Variants in PDE3B observed in about 807,000 individuals in gnomAD.
The protein encoded by PDE3B is phosphodiesterase 3B, also known as cGMP-inhibited 3',5'-cyclic phosphodiesterase 3B.
PDE3B carries 66 observed loss-of-function variants against 116.8 expected under a neutral mutation model. The ratio of observed to expected loss-of-function variants is 0.56; its 90% confidence interval spans 0.46 to 0.69. PDE3B has a LOEUF of 0.69. Among genes scored for constraint, PDE3B ranks in the 30% least tolerant of loss-of-function variants. The pLI is 0.00. For missense variants in PDE3B, 1,384 were observed against 1,368.1 expected (o/e 1.01, Z -0.18); for synonymous variants, 595 against 533.6 (o/e 1.12, Z -1.59).
intron 1 of PDE3B, among the ~76,000 whole-genome samples, chr11:14,728,045 A>G (rs1228493123): frequency 6.6e-6 from 1 of 152,126 alleles, no homozygotes; most frequent in African/African-American, 2.4e-5. Flanking sequence ...TCTATTATAG[A>G]AAGATCTATC....
intron 2 of PDE3B, among the ~76,000 whole-genome samples, chr11:14,785,984 T>C (rs1020381475): frequency 2.0e-5 from 3 of 152,078 alleles, no homozygotes; most frequent in African/African-American, 4.8e-5. Context: ...TGATTTTACA[T>C]TGAAGAAACT....
chr11:14,831,882 A>T, intron 9 of PDE3B, 105 bp downstream of exon 9: 2 of 670,854 alleles, frequency 3.0e-6, no homozygotes, highest in Non-Finnish European at 5.0e-6. Flanking sequence ...TTCAACAATG[A>T]CATTGTTCAT....
chr11:14,803,645 T>C (rs1329894307), intron 4 of PDE3B, among the ~76,000 whole-genome samples: 1 of 152,232 alleles, frequency 6.6e-6, no homozygotes, highest in East Asian at 1.9e-4. Flanking sequence ...ACCTGTTTTT[T>C]TGTAAGTAAA....
chr11:14,818,378 G>A lies in PDE3B; in HGVS notation c.1718G>A (p.Ser573Asn). ...TATCAGCAACTTAGAAATTCTGATAGCAATCTGTGTAACAGGTAAGTTTCC... is the reference window on the plus strand; with the variant it reads ...TATCAGCAACTTAGAAATTCTGATAACAATCTGTGTAACAGGTAAGTTTCC... ...DFYQQLRNSD[S>N]NLCNSCGHQM... Residue 573 changes from serine (S) to asparagine (N), a missense_variant, in exon 6 of 16, where the codon AGC becomes AAC. This residue lies in a region of PDE3B where 956 missense variants were observed against 806.8 expected (regional missense o/e 1.18). Transcript: ENST00000282096. The A allele has an allele frequency of 6.2e-7, 1 of 1,605,792 alleles. No individual in the cohort carries two copies. The highest frequency in any genetic ancestry group is 2.2e-5 in the East Asian group (1 of 44,802).
chr11:14,723,911 A>C (rs1856201593), intron 1 of PDE3B, among the ~76,000 whole-genome samples: 1 of 152,234 alleles, frequency 6.6e-6, no homozygotes, highest in African/African-American at 2.4e-5. Context: ...TGCATGGGCC[A>C]GACTAGCAAG....
In PDE3B at chr11:14,698,375, A is replaced by G. The variant is rs561948029; in HGVS notation, c.978+53322A>G. The stretch of plus-strand genomic sequence containing the variant: ...AAAAAATTTTAATTTCTTTTTAAAG[A>G]TGGGTCTCACTTCACTGTGCCTGGA... On this transcript the variant is annotated intron_variant, in intron 1 of 15. Transcript: ENST00000282096. Among the ~76,000 whole-genome samples, 164 of 151,984 alleles carry G rather than the reference A, an allele frequency of 1.1e-3. 1 individual carries two copies. The highest frequency in any genetic ancestry group is 2.0e-3 in the Non-Finnish European group (133 of 67,818).
intron 1 of PDE3B, among the ~76,000 whole-genome samples, chr11:14,659,671 C>G (rs1853831484): frequency 6.6e-6 from 1 of 152,090 alleles, no homozygotes; most frequent in African/African-American, 2.4e-5. Context: ...TCCGGTAGGC[C>G]CCAGTGTGTG....
chr11:14,768,134 C>A (rs894204166), intron 1 of PDE3B, among the ~76,000 whole-genome samples: 1 of 151,318 alleles, frequency 6.6e-6, no homozygotes, highest in Non-Finnish European at 1.5e-5. Context: ...CTTGCCTTTA[C>A]AGCACAGTTT....
At chr11:14,702,276 ATTCTTATTT>A (rs1855387986) in intron 1 of PDE3B, among the ~76,000 whole-genome samples, 1 of 151,700 alleles carries the variant, frequency 6.6e-6, no homozygotes, top group Admixed American at 6.6e-5. Context: ...TACAACATCT[ATTCTTATTT>A]TTCTGAGATT....
chr11:14,685,685 A>T (rs1854853928), intron 1 of PDE3B, among the ~76,000 whole-genome samples: 2 of 151,884 alleles, frequency 1.3e-5, no homozygotes, highest in Admixed American at 1.3e-4. Flanking sequence ...TGAACTCCTG[A>T]CCTCAGGTGA....
intron 1 of PDE3B, among the ~76,000 whole-genome samples, chr11:14,696,894 C>G (rs1855221989): frequency 6.6e-6 from 1 of 152,066 alleles, no homozygotes; most frequent in Non-Finnish European, 1.5e-5. Context: ...AGGAAGATCA[C>G]AAAGATATTG....
At chr11:14,710,849 G>A (rs558727882) in intron 1 of PDE3B, among the ~76,000 whole-genome samples, 3 of 152,256 alleles carry the variant, frequency 2.0e-5, no homozygotes, top group African/African-American at 7.2e-5. Context: ...TTAAAAAAAT[G>A]TGGTTTAAGT....
At chr11:14,716,088 C>T (rs1343791873) in intron 1 of PDE3B, among the ~76,000 whole-genome samples, 4 of 152,086 alleles carry the variant, frequency 2.6e-5, no homozygotes, top group Non-Finnish European at 5.9e-5. Context: ...CGAAGCAGGG[C>T]GAGGCATTGC....
At chr11:14,663,547 T>C (rs899960165) in intron 1 of PDE3B, among the ~76,000 whole-genome samples, 1 of 151,684 alleles carries the variant, frequency 6.6e-6, no homozygotes, top group African/African-American at 2.4e-5. Context: ...GAGACACACA[T>C]AGGCTCAAAA....
rs376052497 is a variant in PDE3B at position 14,859,121 on chromosome 11, G to C, written c.2599G>C (p.Glu867Gln). The change falls in exon 13 of 16, where the codon GAA (glutamate) becomes CAA (glutamine). Residue 867 changes from glutamate to glutamine, a missense_variant. Around this residue, in one of 2 missense-constraint regions of PDE3B, gnomAD observed 428 missense variants for 561.4 expected, o/e 0.76. Coordinates refer to ENST00000282096, the MANE Select transcript of PDE3B (RefSeq NM_000922.4). ...SAWNLYLSRP[E>Q]YNFLLHLDHV... Reference sequence around the variant, plus strand: ...TTGGAATCTATATCTTTCTCGCCCAGAATACAACTTCCTTCTTCATCTTGA... The same window carrying C: ...TTGGAATCTATATCTTTCTCGCCCACAATACAACTTCCTTCTTCATCTTGA... 7.4e-6 allele frequency: 12 copies of C among 1,613,430 alleles called. No individual in the cohort carries two copies. The highest frequency in any genetic ancestry group is 1.0e-5 in the Non-Finnish European group (12 of 1,179,694).
At chr11:14,680,008 C>A (rs550717515) in intron 1 of PDE3B, among the ~76,000 whole-genome samples, 1 of 152,204 alleles carries the variant, frequency 6.6e-6, no homozygotes, top group South Asian at 2.1e-4. Flanking sequence ...GGGATTATAC[C>A]TAGGAACCAA....
chr11:14,882,775 G>A, the PDE3B span, among the ~76,000 whole-genome samples: 2 of 152,096 alleles, frequency 1.3e-5, no homozygotes, highest in East Asian at 1.9e-4. Context: ...ATTGTATAAC[G>A]AGAAAACCCC....
chr11:14,650,895 G>A (rs902484482), intron 1 of PDE3B, among the ~76,000 whole-genome samples: 2 of 151,878 alleles, frequency 1.3e-5, no homozygotes, highest in Non-Finnish European at 2.9e-5. Context: ...CAGCACCTTG[G>A]TTTAGCTTAG....
At chr11:14,859,335 A>C (rs1344404035) in intron 13 of PDE3B, 89 bp downstream of exon 13, 49 of 802,972 alleles carry the variant, frequency 6.1e-5, no homozygotes, top group Non-Finnish European at 9.3e-5. Flanking sequence ...AGTTAGAATT[A>C]TTACTACTTA....
Sources: allele counts gnomAD v4.1 joint callset (sites outside exome capture counted in the v4.1 genomes callset), GRCh38; gene constraint gnomAD v4.1.1; regional missense constraint gnomAD v4.1.1; transcripts MANE v1.5; gene names NCBI Gene and HGNC (gene_info 2026-07-23, HGNC 2026-07-21).